ACTR3C: variants seen among roughly 807,000 people sequenced by gnomAD.
ACTR3C encodes the protein actin-related protein 3C.
A neutral mutation model predicts 26.3 loss-of-function variants in ACTR3C; 18 were observed. That is an observed-to-expected ratio of 0.68 (90% CI 0.47 to 1.01). The LOEUF (loss-of-function observed/expected upper bound fraction) is 1.01. Among genes scored for constraint, ACTR3C ranks in the 50% least tolerant of loss-of-function variants. The probability of loss-of-function intolerance (pLI) is 0.00; values close to 1 mark genes in which losing one functional copy is unlikely to be tolerated. For missense variants in ACTR3C, 184 were observed against 250.7 expected (o/e 0.73, Z 1.80); for synonymous variants, 55 against 94.5 (o/e 0.58, Z 2.42).
chr7:150,113,149 G>C, the ACTR3C span, among the ~76,000 whole-genome samples: 1,769 of 150,936 alleles, frequency 0.012, 37 homozygotes, highest in African/African-American at 0.041. Context: ...GCTGACCCTA[G>C]TTATGGTCAG....
intron 6 of ACTR3C, among the ~76,000 whole-genome samples, chr7:150,251,036 G>A (rs893479784): frequency 6.6e-6 from 1 of 152,058 alleles, no homozygotes; most frequent in Non-Finnish European, 1.5e-5. Flanking sequence ...AGAATGAGGG[G>A]CCTCTCTATT....
At chr7:150,001,290 T>C in the ACTR3C span, 1 of 152,054 alleles carries the variant, frequency 6.6e-6, no homozygotes, top group Non-Finnish European at 1.5e-5. Context: ...GGAAAAACAT[T>C]ATTTGAAAAC....
chr7:150,112,898 G>T, the ACTR3C span, among the ~76,000 whole-genome samples: 1 of 152,078 alleles, frequency 6.6e-6, no homozygotes, highest in Non-Finnish European at 1.5e-5. Context: ...ACTGGCCGGC[G>T]ACAAAGCACC....
At chr7:150,036,569 A>G in the ACTR3C span, among the ~76,000 whole-genome samples, 2 of 143,906 alleles carry the variant, frequency 1.4e-5, no homozygotes, top group Admixed American at 1.4e-4. Flanking sequence ...CCCCTTTGTG[A>G]CCTCATACAA....
the ACTR3C span, among the ~76,000 whole-genome samples, chr7:150,068,804 C>CA: frequency 1.4e-5 from 2 of 143,446 alleles, no homozygotes; most frequent in South Asian, 2.2e-4. Flanking sequence ...AAAAAAAAAC[C>CA]AAAAAAAGGA....
the ACTR3C span, among the ~76,000 whole-genome samples, chr7:150,210,253 C>A: frequency 6.7e-6 from 1 of 149,330 alleles, no homozygotes; most frequent in African/African-American, 2.6e-5. Context: ...GAACCGGAAG[C>A]CTCAGAAGCT....
the ACTR3C span, among the ~76,000 whole-genome samples, chr7:149,910,388 A>G: frequency 1.3e-5 from 2 of 152,172 alleles, no homozygotes; most frequent in Non-Finnish European, 2.9e-5. Context: ...ATAGATTCCA[A>G]AAGTCTTAAC....
chr7:149,910,872 A>T, the ACTR3C span, among the ~76,000 whole-genome samples: 2 of 151,288 alleles, frequency 1.3e-5, no homozygotes, highest in African/African-American at 4.8e-5. Context: ...AGCTCCCCTC[A>T]AATCACACAT....
chr7:149,896,054 A>AAC, the ACTR3C span, among the ~76,000 whole-genome samples: 2 of 137,092 alleles, frequency 1.5e-5, no homozygotes, highest in African/African-American at 2.7e-5. Flanking sequence ...AAAAAAAAAA[A>AAC]AACACAAAAA....
chr7:150,312,033 G>A (rs1443958954), intron 1 of ACTR3C, among the ~76,000 whole-genome samples: 1 of 152,224 alleles, frequency 6.6e-6, no homozygotes, highest in Non-Finnish European at 1.5e-5. Context: ...GGCCAAGGCT[G>A]AGGTCATTCA....
At chr7:150,035,306 G>A in the ACTR3C span, among the ~76,000 whole-genome samples, 2 of 56,124 alleles carry the variant, frequency 3.6e-5, 1 homozygote, top group Non-Finnish European at 8.8e-5. Context: ...CCCCCCTTGC[G>A]ATGGGGGTAC....
At chr7:150,135,813 GAAAGA>G in the ACTR3C span, among the ~76,000 whole-genome samples, 1,832 of 141,302 alleles carry the variant, frequency 0.013, 34 homozygotes, top group East Asian at 0.06. Flanking sequence ...AGAAAGGAAA[GAAAGA>G]AAAGAAAAGA....
the ACTR3C span, among the ~76,000 whole-genome samples, chr7:149,946,601 A>G: frequency 0.11 from 16,959 of 152,102 alleles, 3,183 homozygotes; most frequent in African/African-American, 0.39. Context: ...TGGGTGCCCA[A>G]GTGCTGAGGG....
the ACTR3C span, among the ~76,000 whole-genome samples, chr7:149,913,772 C>G: frequency 6.6e-6 from 1 of 151,318 alleles, no homozygotes; most frequent in Non-Finnish European, 1.5e-5. Context: ...TGCAAGCTTC[C>G]TCACTGTCAC....
chr7:150,197,194 T>G, the ACTR3C span, among the ~76,000 whole-genome samples: 1 of 152,178 alleles, frequency 6.6e-6, no homozygotes, highest in Admixed American at 6.5e-5. Context: ...TCTGCACTCT[T>G]CCCAGGCTTC....
the ACTR3C span, among the ~76,000 whole-genome samples, chr7:150,108,698 G>C: frequency 2.0e-5 from 3 of 150,804 alleles, no homozygotes; most frequent in African/African-American, 7.4e-5. Context: ...GACACAGCAA[G>C]ATGGCCCTTG....
At chr7:150,029,796 A>G in the ACTR3C span, among the ~76,000 whole-genome samples, 4 of 151,952 alleles carry the variant, frequency 2.6e-5, no homozygotes, top group African/African-American at 7.3e-5. Context: ...CCCCACATGC[A>G]CGAGTCTCCA....
the ACTR3C span, among the ~76,000 whole-genome samples, chr7:150,150,149 G>A: frequency 0.12 from 13,157 of 108,480 alleles, no homozygotes; most frequent in South Asian, 0.22. Flanking sequence ...TCTGGCTGGC[G>A]TCATCCAAAT....
At chr7:149,943,124 A>G in the ACTR3C span, among the ~76,000 whole-genome samples, 1 of 151,452 alleles carries the variant, frequency 6.6e-6, no homozygotes, top group Admixed American at 6.6e-5. Context: ...TTTTGTAAAT[A>G]AAGTTTTATT....
Sources: gnomAD v4.1 joint callset for allele counts (sites outside exome capture counted in the v4.1 genomes callset) on GRCh38, gnomAD v4.1.1 for gene constraint, MANE v1.5 for transcripts, NCBI Gene and HGNC (gene_info 2026-07-23, HGNC 2026-07-21) for gene names.